The following CEP112 variants were observed in gnomAD, a reference collection of about 807,000 sequenced individuals.
CEP112 encodes the protein centrosomal protein of 112 kDa.
Under a neutral mutation model 153.0 loss-of-function variants are expected in CEP112, and 127 were observed. The observed-to-expected ratio is 0.83, with a 90% CI of 0.72 to 0.96. The LOEUF is 0.96. Among genes scored for constraint, CEP112 ranks in the 40% least tolerant of loss-of-function variants. The pLI is 0.00. For synonymous variants in CEP112, 358 were observed against 374.4 expected, an observed-to-expected ratio of 0.96 and a Z score of 0.51; for missense variants, 1,089 against 1,101.2, an observed-to-expected ratio of 0.99 and a Z score of 0.16.
chr17:66,094,410 A>G (rs1410789992), intron 8 of CEP112, among the ~76,000 whole-genome samples: 1 of 152,186 alleles, frequency 6.6e-6, no homozygotes, highest in Non-Finnish European at 1.5e-5. Context: ...GGGGAAAGAC[A>G]GTGTCTTCAA....
intron 12 of CEP112, among the ~76,000 whole-genome samples, chr17:66,041,118 T>C (rs1000102759): frequency 8.0e-5 from 12 of 150,378 alleles, no homozygotes; most frequent in Non-Finnish European, 1.5e-5. Flanking sequence ...AAGTAAATAA[T>C]TGTAATTTTC....
chr17:65,826,558 A>T (rs2056849124), intron 21 of CEP112: 1 of 1,309,026 alleles, frequency 7.6e-7, no homozygotes, highest in Non-Finnish European at 9.7e-7. Flanking sequence ...TGCCAGGGCT[A>T]AAGGGCCAGC....
At chr17:65,651,171 G>A (rs376769528) in intron 24 of CEP112, among the ~76,000 whole-genome samples, 32 of 152,138 alleles carry the variant, frequency 2.1e-4, no homozygotes, top group East Asian at 1.5e-3. Flanking sequence ...TCCCACTTAC[G>A]AGTGAGAACA....
intron 4 of CEP112, among the ~76,000 whole-genome samples, chr17:66,144,549 C>T (rs964000893): frequency 6.6e-6 from 1 of 152,038 alleles, no homozygotes; most frequent in African/African-American, 2.4e-5. Context: ...AAAATTTAGC[C>T]GGGTATGGTG....
intron 16 of CEP112, among the ~76,000 whole-genome samples, chr17:66,021,565 G>A (rs1304331955): frequency 6.6e-6 from 1 of 152,200 alleles, no homozygotes; most frequent in African/African-American, 2.4e-5. Context: ...CCTCAGGTCT[G>A]AAGAGTGAGA....
chr17:65,969,665 G>C lies in CEP112; in HGVS notation c.1737-8067C>G, dbSNP rs116174478. On this transcript the variant is annotated intron_variant, in intron 17 of 26. Transcript: ENST00000535342. ...AAGCATATATGACATGTATAACACT[G>C]CATATTGCATGCATGTGTATTGTAT... 7.2e-3 allele frequency among the ~76,000 whole-genome samples: 1,095 copies of C among 152,262 alleles called. 12 individuals carry two copies. The highest frequency in any genetic ancestry group is 0.025 in the African/African-American group (1,043 of 41,530).
At chr17:65,683,934 G>T (rs1211196255) in intron 24 of CEP112, among the ~76,000 whole-genome samples, 1 of 152,068 alleles carries the variant, frequency 6.6e-6, no homozygotes, top group Non-Finnish European at 1.5e-5. Flanking sequence ...CCAGCTACTC[G>T]GAAGGCTGAG....
At chr17:65,982,315 TG>T (rs2063258019) in intron 17 of CEP112, among the ~76,000 whole-genome samples, 2 of 152,206 alleles carry the variant, frequency 1.3e-5, no homozygotes, top group Non-Finnish European at 2.9e-5. Flanking sequence ...GAGAAAAATG[TG>T]CTTTATGATA....
chr17:66,130,447 C>T (rs229856), intron 5 of CEP112, among the ~76,000 whole-genome samples: 151,729 of 152,212 alleles, frequency 1, 75,625 homozygotes, highest in Middle Eastern at 1. Flanking sequence ...ACACACTGAA[C>T]ATAAAGATAA....
intron 4 of CEP112, among the ~76,000 whole-genome samples, chr17:66,159,200 A>G (rs139696809): frequency 0.034 from 5,184 of 152,312 alleles, 130 homozygotes; most frequent in Middle Eastern, 0.062. Context: ...AAATTGAGGC[A>G]GTAATTAATA....
intron 20 of CEP112, among the ~76,000 whole-genome samples, chr17:65,883,368 A>AT (rs1275853555): frequency 1.3e-5 from 2 of 151,510 alleles, no homozygotes; most frequent in Admixed American, 6.6e-5. Flanking sequence ...ACACACATAC[A>AT]TTTTTTCCCC....
At chr17:65,766,057 G>A (rs2052946687) in intron 21 of CEP112, among the ~76,000 whole-genome samples, 1 of 147,250 alleles carries the variant, frequency 6.8e-6, no homozygotes. Flanking sequence ...AATAAGAAAA[G>A]GAAACTCAAA....
Position 65,725,750 on chromosome 17 carries a change from C to T in CEP112, c.2607+17318G>A, listed in dbSNP as rs565807739. Among the ~76,000 whole-genome samples the T allele has an allele frequency of 1.9e-3, 295 of 152,208 alleles. 2 individuals carry two copies. Among genetic ancestry groups the T allele is most frequent in the Middle Eastern group, 0.014 (4 of 294 alleles). On this transcript the variant is annotated intron_variant, in intron 23 of 26. Coordinates refer to ENST00000535342, the MANE Select transcript of CEP112 (RefSeq NM_001199165.4). ...AGAGAAAATCAGAAGGATGAAAAAA[C>T]GGAAACCCCTGATAAACCCATTAGA...
chr17:65,695,517 T>G (rs2048312604), intron 23 of CEP112, among the ~76,000 whole-genome samples: 1 of 152,220 alleles, frequency 6.6e-6, no homozygotes, highest in South Asian at 2.1e-4. Context: ...AAGTTTTCTC[T>G]TGTAGTTCTG....
chr17:65,750,317 C>T (rs2051742142), intron 22 of CEP112, among the ~76,000 whole-genome samples: 1 of 152,190 alleles, frequency 6.6e-6, no homozygotes, highest in African/African-American at 2.4e-5. Flanking sequence ...AAACTGCTTA[C>T]ATCACAAATG....
intron 20 of CEP112, among the ~76,000 whole-genome samples, chr17:65,857,633 A>G (rs1335246215): frequency 2.6e-5 from 4 of 152,182 alleles, no homozygotes; most frequent in East Asian, 3.8e-4. Context: ...AATTTTTTCC[A>G]TAAGATAATA....
rs1294366524 is a variant in CEP112, at chr17:66,161,272, T to C, written c.470+13772A>G. On this transcript the variant is annotated intron_variant, in intron 4 of 26. Transcript: ENST00000535342. ...AGTTCAACCATTGCAGAAGACAGTGTGGAAATTCCTCAAGGATCTAGAACC... is the reference window on the plus strand; with the variant it reads ...AGTTCAACCATTGCAGAAGACAGTGCGGAAATTCCTCAAGGATCTAGAACC... Among the ~76,000 whole-genome samples, 3 of 152,286 alleles carry C rather than the reference T, an allele frequency of 2.0e-5. No individual in the cohort carries two copies. The East Asian group carries it at 5.8e-4, about 29-fold the overall frequency.
At chr17:66,142,625 G>C (rs2070752206) in intron 4 of CEP112, among the ~76,000 whole-genome samples, 1 of 152,088 alleles carries the variant, frequency 6.6e-6, no homozygotes, top group African/African-American at 2.4e-5. Flanking sequence ...ACCATTGTGT[G>C]TTCTTGGCAC....
rs1197657948 is a variant in CEP112, at chr17:65,834,428, GA to G, written c.2394+17375del. 9.2e-5 allele frequency among the ~76,000 whole-genome samples: 14 copies of G among 152,164 alleles called. No individual in the cohort carries two copies. In the South Asian group the frequency reaches 1.5e-3, roughly 16 times the overall value. ...AGTAAACACACAACCTACAGAATGG[GA>G]AAAAATATTCGCAAACTATGCATGT... On this transcript the variant is annotated intron_variant, in intron 21 of 26. Coordinates refer to ENST00000535342, the MANE Select transcript of CEP112 (RefSeq NM_001199165.4).
Sources: gnomAD v4.1 joint callset for allele counts (sites outside exome capture counted in the v4.1 genomes callset) on GRCh38, gnomAD v4.1.1 for gene constraint, MANE v1.5 for transcripts, NCBI Gene and HGNC (gene_info 2026-07-23, HGNC 2026-07-21) for gene names.